The following TAFA5 variants were observed in gnomAD, a reference collection of about 807,000 sequenced individuals.
The protein encoded by TAFA5 is TAFA chemokine like family member 5.
Under a neutral mutation model 15.3 loss-of-function variants are expected in TAFA5, and 6 were observed. That is an observed-to-expected ratio of 0.39 (90% CI 0.21 to 0.77). TAFA5 has a LOEUF of 0.77. Among genes scored for constraint, TAFA5 ranks in the 30% least tolerant of loss-of-function variants. The pLI is 0.41. For missense variants in TAFA5, 161 were observed against 193.1 expected, an observed-to-expected ratio of 0.83 and a Z score of 0.98; for synonymous variants, 103 against 80.7, an observed-to-expected ratio of 1.28 and a Z score of -1.48.
intron 2 of TAFA5, among the ~76,000 whole-genome samples, chr22:48,693,832 C>T (rs59963542): frequency 0.051 from 7,789 of 152,268 alleles, 620 homozygotes; most frequent in African/African-American, 0.17. Flanking sequence ...CAGCCATGGC[C>T]ACCTATACCC....
chr22:48,521,493 A>T (rs1921599228), intron 1 of TAFA5, among the ~76,000 whole-genome samples: 4 of 151,946 alleles, frequency 2.6e-5, no homozygotes. Context: ...TCGGTGCCAC[A>T]TAAAAAAAGC....
intron 3 of TAFA5, among the ~76,000 whole-genome samples, chr22:48,710,997 A>C (rs79799): frequency 0.69 from 105,438 of 151,752 alleles, 36,824 homozygotes; most frequent in Middle Eastern, 0.72. Flanking sequence ...TGAGACCCCA[A>C]GTGGCTTTCA....
chr22:48,610,793 G>A (rs1925375867), intron 1 of TAFA5, among the ~76,000 whole-genome samples: 1 of 152,196 alleles, frequency 6.6e-6, no homozygotes, highest in African/African-American at 2.4e-5. Context: ...GATGGTGAAT[G>A]CAGCCGAGCT....
intron 1 of TAFA5, among the ~76,000 whole-genome samples, chr22:48,640,226 G>A (rs960567602): frequency 6.6e-6 from 1 of 152,170 alleles, no homozygotes; most frequent in African/African-American, 2.4e-5. Context: ...GCCCTCAGCA[G>A]GGCTCCCAGG....
chr22:48,631,991 C>A (rs1041180770), intron 1 of TAFA5, among the ~76,000 whole-genome samples: 1 of 152,146 alleles, frequency 6.6e-6, no homozygotes, highest in East Asian at 1.9e-4. Flanking sequence ...ACACACGGCT[C>A]GGTACAGGGC....
Position 48,613,939 on chromosome 22 carries a change from C to T in TAFA5, c.113-32658C>T, listed in dbSNP as rs958509964. ...TGGAGATTGGCCGGTGGCCCTCAGC[C>T]CGCTTCCCACCACCCCCGGCTCGCG... On this transcript the variant is annotated intron_variant, in intron 1 of 3. Transcript: ENST00000402357. Among the ~76,000 whole-genome samples the T allele has an allele frequency of 5.3e-5, 8 of 152,352 alleles. No individual in the cohort carries two copies. In the East Asian group the frequency reaches 1.4e-3, roughly 26 times the overall value.
intron 2 of TAFA5, among the ~76,000 whole-genome samples, chr22:48,693,022 TCAG>T (rs1282900255): frequency 6.6e-6 from 1 of 152,182 alleles, no homozygotes; most frequent in Admixed American, 6.5e-5. Context: ...TTCACAGAAC[TCAG>T]CAGAACTCAG....
chr22:48,544,918 G>C (rs778179978), intron 1 of TAFA5: 3 of 470,198 alleles, frequency 6.4e-6, no homozygotes, highest in Admixed American at 2.3e-5. Flanking sequence ...ACCTCCTGCC[G>C]CAAGGCCCTA....
chr22:48,683,886 C>T (rs1050503104), intron 2 of TAFA5, among the ~76,000 whole-genome samples: 6 of 152,274 alleles, frequency 3.9e-5, no homozygotes, highest in East Asian at 1.9e-4. Context: ...GCCCCTCCCC[C>T]GTTGCCGGCT....
chr22:48,650,907 G>A (rs1042806196), intron 2 of TAFA5, among the ~76,000 whole-genome samples: 11 of 152,280 alleles, frequency 7.2e-5, no homozygotes, highest in South Asian at 2.1e-4. Context: ...TTATGCAGAC[G>A]CGCCAGGTTC....
intron 1 of TAFA5, among the ~76,000 whole-genome samples, chr22:48,631,433 C>T (rs761905884): frequency 9.8e-5 from 15 of 152,318 alleles, no homozygotes; most frequent in South Asian, 2.1e-4. Context: ...CCTGGTGCCC[C>T]GGCACCGGTG....
chr22:48,642,463 C>T (rs963228843), intron 1 of TAFA5, among the ~76,000 whole-genome samples: 7 of 152,112 alleles, frequency 4.6e-5, no homozygotes, highest in Non-Finnish European at 8.8e-5. Flanking sequence ...GAGAATGAGG[C>T]GATTTTGGAG....
intron 2 of TAFA5, among the ~76,000 whole-genome samples, chr22:48,664,190 G>T (rs1927537796): frequency 1.3e-5 from 2 of 152,162 alleles, no homozygotes. Flanking sequence ...ATGGCAGCTG[G>T]GTTTGGTACT....
chr22:48,593,245 A>G (rs929037433), intron 1 of TAFA5, among the ~76,000 whole-genome samples: 1 of 152,152 alleles, frequency 6.6e-6, no homozygotes, highest in Non-Finnish European at 1.5e-5. Context: ...AAAGCGGAGC[A>G]TTGGAGCTGG....
At chr22:48,583,195 C>G (rs1277580331) in intron 1 of TAFA5, among the ~76,000 whole-genome samples, 3 of 148,104 alleles carry the variant, frequency 2.0e-5, no homozygotes, top group Non-Finnish European at 4.5e-5. Flanking sequence ...ACTCCAAACA[C>G]AAAATATACA....
At chr22:48,612,030 A>T (rs1925427021) in intron 1 of TAFA5, among the ~76,000 whole-genome samples, 1 of 152,132 alleles carries the variant, frequency 6.6e-6, no homozygotes, top group Non-Finnish European at 1.5e-5. Context: ...TTGCCTCTGC[A>T]CAGGGTGGGT....
intron 1 of TAFA5, among the ~76,000 whole-genome samples, chr22:48,636,170 CCAGGTCGCTT>C (rs1926438107): frequency 6.6e-6 from 1 of 152,218 alleles, no homozygotes; most frequent in African/African-American, 2.4e-5. Flanking sequence ...CGTCAGCTGG[CCAGGTCGCTT>C]CAGTTGATGT....
intron 3 of TAFA5, among the ~76,000 whole-genome samples, chr22:48,714,362 C>G (rs1460196868): frequency 6.6e-6 from 1 of 152,228 alleles, no homozygotes; most frequent in African/African-American, 2.4e-5. Context: ...CCCAGGAGAG[C>G]AGTGTGTGGG....
At chr22:48,526,863 C>A (rs1425268030) in intron 1 of TAFA5, among the ~76,000 whole-genome samples, 2 of 152,154 alleles carry the variant, frequency 1.3e-5, no homozygotes, top group Non-Finnish European at 2.9e-5. Context: ...TGCTTTGTTT[C>A]TTGAATGTGT....
Sources: allele counts gnomAD v4.1 joint callset (sites outside exome capture counted in the v4.1 genomes callset), GRCh38; gene constraint gnomAD v4.1.1; transcripts MANE v1.5; gene names NCBI Gene and HGNC (gene_info 2026-07-23, HGNC 2026-07-21).